The following SLC49A4 variants were observed in gnomAD, a reference collection of about 807,000 sequenced individuals.
The protein encoded by SLC49A4 is disrupted in renal cancer protein 2.
SLC49A4 carries 36 observed loss-of-function variants against 50.6 expected under a neutral mutation model. The ratio of observed to expected loss-of-function variants is 0.71; its 90% CI spans 0.55 to 0.94. The LOEUF (loss-of-function observed/expected upper bound fraction) is 0.94, where lower values mean the gene tolerates loss of function less well. SLC49A4 is among the 40% of genes least tolerant of loss of function. The pLI is 0.00. For missense variants in SLC49A4, 503 were observed against 605.7 expected (o/e 0.83, Z 1.78); for synonymous variants, 248 against 241.2 (o/e 1.03, Z -0.26).
At chr3:122,858,446 A>G (rs1321905855) in intron 6 of SLC49A4, among the ~76,000 whole-genome samples, 1 of 152,156 alleles carries the variant, frequency 6.6e-6, no homozygotes, top group African/African-American at 2.4e-5. Context: ...TTTCTTGAGG[A>G]ATATTTTGTA....
chr3:122,807,299 G>A (rs1423912611), intron 2 of SLC49A4, among the ~76,000 whole-genome samples: 1 of 152,118 alleles, frequency 6.6e-6, no homozygotes. Context: ...AGTTTTGGCT[G>A]TGGGTATCAA....
chr3:122,799,019 C>T (rs1218767264), intron 1 of SLC49A4, among the ~76,000 whole-genome samples: 1 of 151,916 alleles, frequency 6.6e-6, no homozygotes, highest in African/African-American at 2.4e-5. Flanking sequence ...CATTTACCAG[C>T]AAGGAGACAG....
chr3:122,875,143 A>C (rs1251218846), intron 8 of SLC49A4, among the ~76,000 whole-genome samples: 3 of 152,170 alleles, frequency 2.0e-5, no homozygotes, highest in African/African-American at 7.2e-5. Flanking sequence ...ACAAATTGCA[A>C]ATCTAAAAAT....
chr3:122,862,456 G>A (rs1421970420), intron 7 of SLC49A4, among the ~76,000 whole-genome samples: 1 of 152,182 alleles, frequency 6.6e-6, no homozygotes, highest in African/African-American at 2.4e-5. Context: ...GTGCACTGTT[G>A]TACACAACTG....
At chr3:122,847,152 C>T (rs920506224) in intron 5 of SLC49A4, among the ~76,000 whole-genome samples, 1 of 151,964 alleles carries the variant, frequency 6.6e-6, no homozygotes, top group Non-Finnish European at 1.5e-5. Context: ...TAGTGTAGAC[C>T]CATTATAAAC....
intron 5 of SLC49A4, among the ~76,000 whole-genome samples, chr3:122,853,074 G>A (rs1397764830): frequency 6.6e-6 from 1 of 152,112 alleles, no homozygotes; most frequent in African/African-American, 2.4e-5. Flanking sequence ...ATAAATCATA[G>A]AAATTTATTT....
intron 5 of SLC49A4, among the ~76,000 whole-genome samples, chr3:122,856,042 T>G (rs1936985188): frequency 1.3e-5 from 2 of 152,212 alleles, no homozygotes; most frequent in South Asian, 4.1e-4. Flanking sequence ...CCTTTTCTTA[T>G]TTTAAGAGTT....
intron 1 of SLC49A4, 151 bp from the exon 2 acceptor site, chr3:122,806,706 T>G: frequency 7.0e-6 from 4 of 571,846 alleles, no homozygotes; most frequent in Non-Finnish European, 9.2e-6. Flanking sequence ...GTAGGGTTCG[T>G]TGTTTTTTTT....
intron 7 of SLC49A4, among the ~76,000 whole-genome samples, chr3:122,870,697 C>T (rs901616454): frequency 6.6e-6 from 1 of 151,570 alleles, no homozygotes; most frequent in African/African-American, 2.4e-5. Context: ...CCTGTAATCC[C>T]ACATGCTCAG....
Position 122,860,127 on chromosome 3 carries a change from T to C in SLC49A4, c.1063T>C (p.Ser355Pro). 1 of 1,613,488 alleles carries C rather than the reference T, an allele frequency of 6.2e-7. No homozygotes were observed. Among genetic ancestry groups the C allele is most frequent in the Non-Finnish European group, 8.5e-7 (1 of 1,179,688 alleles). The change falls in exon 7 of 9, where the codon TCG becomes CCG. Residue 355 changes from serine to proline, a missense_variant. By Grantham distance (74) the Ser-to-Pro change is moderately conservative (BLOSUM62 -1). Transcript: ENST00000261038. ...GAAACTAATTCTTCTCCTCCTGTTT[T>C]CGGGAGCTACACTGTCATCCACGTG... is the stretch of plus-strand genomic sequence containing the variant. ...MLKLILLLLF[S>P]GATLSSTWFT... is the part of the protein sequence containing the mutation.
At chr3:122,859,004 G>A (rs1021791244) in intron 6 of SLC49A4, among the ~76,000 whole-genome samples, 3 of 152,154 alleles carry the variant, frequency 2.0e-5, no homozygotes, top group African/African-American at 7.2e-5. Context: ...TCCAGATGCC[G>A]TGTATGTTTT....
intron 8 of SLC49A4, 55 bp from the exon 9 acceptor site, chr3:122,879,208 G>A (rs1051744055): frequency 2.4e-6 from 3 of 1,243,026 alleles, no homozygotes; most frequent in Admixed American, 1.7e-5. Flanking sequence ...CATACAGGTG[G>A]TGGTCTGCTG....
In SLC49A4 at chr3:122,795,134, G is replaced by A. The variant is rs1935991956; in HGVS notation, c.-59G>A. On this transcript the variant is annotated 5_prime_UTR_variant, in exon 1 of 9. Transcript: ENST00000261038. ...TGCTGCTCAGGACTATTCTGCGCTGGGCTAGTCGGCGGTGACCCGGACTGC... is the reference window on the plus strand; with the variant it reads ...TGCTGCTCAGGACTATTCTGCGCTGAGCTAGTCGGCGGTGACCCGGACTGC... 1 of 1,298,452 alleles carries A rather than the reference G, an allele frequency of 7.7e-7. No homozygotes were observed. Among genetic ancestry groups the A allele is most frequent in the Non-Finnish European group, 9.7e-7 (1 of 1,031,622 alleles). 80.4% of individuals were successfully genotyped at this position (1,298,452 alleles called of 1,614,324 possible). A position where few individuals can be genotyped will look rare whatever the true frequency, so the allele number is the denominator to read the frequency against.
intron 1 of SLC49A4, among the ~76,000 whole-genome samples, chr3:122,802,303 G>A (rs1274754408): frequency 6.6e-6 from 1 of 152,144 alleles, no homozygotes; most frequent in Admixed American, 6.6e-5. Context: ...TACAGAAATG[G>A]GGAGCTCAGT....
intron 1 of SLC49A4, among the ~76,000 whole-genome samples, chr3:122,797,774 A>T (rs1205579027): frequency 6.6e-6 from 1 of 152,166 alleles, no homozygotes; most frequent in Admixed American, 6.5e-5. Flanking sequence ...TGAGCCCAGG[A>T]GTTAGAGACC....
At chr3:122,826,756 G>T (rs774645822) in intron 2 of SLC49A4, 44 bp from the exon 3 acceptor site, 5 of 1,592,088 alleles carry the variant, frequency 3.1e-6, no homozygotes, top group Non-Finnish European at 4.3e-6. Context: ...CTTAGAAAAT[G>T]CCTGTTTCAA....
chr3:122,801,354 G>A (rs754210795), intron 1 of SLC49A4, among the ~76,000 whole-genome samples: 6 of 152,170 alleles, frequency 3.9e-5, no homozygotes, highest in African/African-American at 9.7e-5. Flanking sequence ...ACTTTGGGAG[G>A]CCAGGTTGGG....
chr3:122,810,787 A>G (rs1468933430), intron 2 of SLC49A4, among the ~76,000 whole-genome samples: 2 of 152,232 alleles, frequency 1.3e-5, no homozygotes, highest in Non-Finnish European at 2.9e-5. Flanking sequence ...CCATTGTGAA[A>G]TACTTTGCAG....
intron 2 of SLC49A4, among the ~76,000 whole-genome samples, chr3:122,814,266 TCAAAAA>T (rs1340956733): frequency 2.0e-5 from 3 of 152,122 alleles, no homozygotes; most frequent in Non-Finnish European, 4.4e-5. Context: ...AGACCCTGTC[TCAAAAA>T]CAAAAACAAA....
Sources: allele counts gnomAD v4.1 joint callset (sites outside exome capture counted in the v4.1 genomes callset), GRCh38; gene constraint gnomAD v4.1.1; transcripts MANE v1.5; gene names NCBI Gene and HGNC (gene_info 2026-07-23, HGNC 2026-07-21).